The following DYNLRB1 variants were observed in gnomAD, a reference collection of about 807,000 sequenced individuals.
The protein encoded by DYNLRB1 is ROBL/LC7-like 1.
DYNLRB1 carries 6 observed loss-of-function variants against 13.5 expected under a neutral mutation model. The observed-to-expected ratio is 0.44, with a 90% CI of 0.24 to 0.88. DYNLRB1 has a LOEUF of 0.88. Among genes scored for constraint, DYNLRB1 ranks in the 40% least tolerant of loss-of-function variants. The pLI is 0.21. For synonymous variants in DYNLRB1, 43 were observed against 45.0 expected, an observed-to-expected ratio of 0.96 and a Z score of 0.18; for missense variants, 93 against 127.2, an observed-to-expected ratio of 0.73 and a Z score of 1.29.
At chr20:34,516,742 C>T (rs1458496992) in intron 1 of DYNLRB1, 2 of 1,547,526 alleles carry the variant, frequency 1.3e-6, no homozygotes, top group South Asian at 1.2e-5. Context: ...GGCGGCGGCC[C>T]TGCAGCCTAG....
chr20:34,530,734 A>G lies in DYNLRB1; in HGVS notation c.80-3894A>G, dbSNP rs1285119600. On this transcript the variant is annotated intron_variant, in intron 2 of 3. Coordinates refer to ENST00000357156, the MANE Select transcript of DYNLRB1 (RefSeq NM_014183.4). ...TTAAGCCCTCTGGAAGCTTCCATTA[A>G]AGATGATTATTTGAGGATAATTGTA... 6 of 152,186 alleles carry G rather than the reference A, an allele frequency of 3.9e-5. No homozygotes were observed. The South Asian group carries it at 1.2e-3, about 32-fold the overall frequency. The allele number at this position is 152,186 out of a possible 1,614,324, so 9.4% of individuals were successfully genotyped here. A position where few individuals can be genotyped will look rare whatever the true frequency, so the allele number is the denominator to read the frequency against.
chr20:34,534,844 T>C, intron 3 of DYNLRB1, 49 bp downstream of exon 3: 1 of 1,612,806 alleles, frequency 6.2e-7, no homozygotes, highest in African/African-American at 1.3e-5. Context: ...CATGGCACAT[T>C]CTCTGTGGCT....
At chr20:34,536,335 G>T (rs530789636) in intron 3 of DYNLRB1, 1 of 985,380 alleles carries the variant, frequency 1.0e-6, no homozygotes, top group African/African-American at 1.7e-5. Context: ...GAGCCACCCT[G>T]CCTGGTTGAG....
At chr20:34,531,233 T>A (rs1439077951) in intron 2 of DYNLRB1, 1 of 152,278 alleles carries the variant, frequency 6.6e-6, no homozygotes, top group African/African-American at 2.4e-5. Flanking sequence ...ATGTTTTTTA[T>A]CACTTGAAGG....
chr20:34,533,208 G>C (rs2146644507), intron 2 of DYNLRB1, among the ~76,000 whole-genome samples: 1 of 152,308 alleles, frequency 6.6e-6, no homozygotes, highest in Non-Finnish European at 1.5e-5. Flanking sequence ...CAAACAAAAG[G>C]CTTGGTATAC....
chr20:34,535,496 G>A (rs1981070031), intron 3 of DYNLRB1: 2 of 745,464 alleles, frequency 2.7e-6, no homozygotes, highest in Non-Finnish European at 3.3e-6. Context: ...GAGCCCACAA[G>A]GATGGGAGCA....
intron 2 of DYNLRB1, among the ~76,000 whole-genome samples, chr20:34,527,633 C>CT (rs1176448301): frequency 6.6e-6 from 1 of 152,180 alleles, no homozygotes; most frequent in East Asian, 1.9e-4. Context: ...ACCAAAAAGT[C>CT]TAATTTATTA....
At chr20:34,526,982 A>G (rs1190776238) in intron 2 of DYNLRB1, among the ~76,000 whole-genome samples, 2 of 152,152 alleles carry the variant, frequency 1.3e-5, no homozygotes, top group Non-Finnish European at 2.9e-5. Context: ...GTATCTGTGT[A>G]GGTAGAAGTG....
intron 1 of DYNLRB1, among the ~76,000 whole-genome samples, chr20:34,519,958 A>G (rs564777268): frequency 5.7e-4 from 86 of 152,116 alleles, no homozygotes; most frequent in African/African-American, 2.0e-3. Flanking sequence ...ACATGGTGAA[A>G]CTCTGTCTCT....
Position 34,522,632 on chromosome 20 carries a change from A to T in DYNLRB1, c.4-3636A>T, listed in dbSNP as rs550903054. On this transcript the variant is annotated intron_variant, in intron 1 of 3. Coordinates refer to ENST00000357156, the MANE Select transcript of DYNLRB1 (RefSeq NM_014183.4). ...GGACTGCAGGCACACGACACCACGC[A>T]TGGTTAATTTTTTTTATCTTTTGTA... Among the ~76,000 whole-genome samples, 7 of 151,326 alleles carry T rather than the reference A, an allele frequency of 4.6e-5. No homozygotes were observed. The East Asian group carries it at 1.4e-3, about 29-fold the overall frequency.
intron 3 of DYNLRB1, chr20:34,535,453 A>G (rs1981066451): frequency 1.9e-5 from 16 of 832,516 alleles, no homozygotes; most frequent in Non-Finnish European, 2.2e-5. Context: ...CCTTAGGATC[A>G]TTCTCAGGGT....
rs1600542271 is a variant in DYNLRB1 at position 34,524,438 on chromosome 20, T to G, written c.4-1830T>G. ...TAGGCATTTTTAGTTCTTTCTGCATTCTGCTATTGCAAATGTCACTGTACT... is the reference window on the plus strand; with the variant it reads ...TAGGCATTTTTAGTTCTTTCTGCATGCTGCTATTGCAAATGTCACTGTACT... On this transcript the variant is annotated intron_variant, in intron 1 of 3. Transcript: ENST00000357156. Among the ~76,000 whole-genome samples the G allele has an allele frequency of 5.3e-5, 8 of 152,356 alleles. 1 individual carries two copies. The South Asian group carries it at 1.7e-3, about 32-fold the overall frequency.
chr20:34,529,644 G>A (rs997496148), intron 2 of DYNLRB1, among the ~76,000 whole-genome samples: 3 of 151,436 alleles, frequency 2.0e-5, no homozygotes, highest in Non-Finnish European at 4.4e-5. Flanking sequence ...CAGGAGAATC[G>A]CTTGAACCAA....
chr20:34,526,720 A>C, intron 2 of DYNLRB1: 2 of 204,214 alleles, frequency 9.8e-6, no homozygotes, highest in African/African-American at 2.3e-5. Context: ...GAGGACCATA[A>C]TCATAGTTGT....
chr20:34,531,319 ATAACCAGC>A (rs2146640880), intron 2 of DYNLRB1: 1 of 152,386 alleles, frequency 6.6e-6, no homozygotes, highest in Admixed American at 6.5e-5. Flanking sequence ...TGCCTCCCAG[ATAACCAGC>A]TACTTCTGCA....
intron 1 of DYNLRB1, chr20:34,516,745 C>T (rs1183453813): frequency 2.6e-6 from 4 of 1,547,728 alleles, no homozygotes; most frequent in Non-Finnish European, 3.5e-6. Flanking sequence ...GGCGGCCCTG[C>T]AGCCTAGAGT....
At chr20:34,532,835 C>T (rs1300035472) in intron 2 of DYNLRB1, among the ~76,000 whole-genome samples, 1 of 152,146 alleles carries the variant, frequency 6.6e-6, no homozygotes, top group Non-Finnish European at 1.5e-5. Flanking sequence ...TTCCTGGTGC[C>T]CTAGGATGAC....
chr20:34,534,014 G>A (rs1032766389), intron 2 of DYNLRB1, among the ~76,000 whole-genome samples: 2 of 151,640 alleles, frequency 1.3e-5, no homozygotes, highest in Middle Eastern at 3.4e-3. Flanking sequence ...TGTGGCACGC[G>A]CCTGTAATCC....
chr20:34,530,134 C>G, intron 2 of DYNLRB1: 1 of 1,225,806 alleles, frequency 8.2e-7, no homozygotes, highest in African/African-American at 1.6e-5. Flanking sequence ...CAGGCTTCCA[C>G]ATGAACTCAC....
Sources: gnomAD v4.1 joint callset for allele counts (sites outside exome capture counted in the v4.1 genomes callset) on GRCh38, gnomAD v4.1.1 for gene constraint, MANE v1.5 for transcripts, NCBI Gene and HGNC (gene_info 2026-07-23, HGNC 2026-07-21) for gene names.